Variants in MED13L observed in about 807,000 individuals in gnomAD.
The protein encoded by MED13L is mediator of RNA polymerase II transcription subunit 13-like.
Under a neutral mutation model 220.9 loss-of-function variants are expected in MED13L, and 7 were observed. The ratio of observed to expected loss-of-function variants is 0.03; its 90% CI spans 0.02 to 0.06. The LOEUF is 0.06. MED13L is among the 10% of genes least tolerant of loss of function. The probability of loss-of-function intolerance (pLI) is 1.00; values close to 1 mark genes in which losing one functional copy is unlikely to be tolerated. For missense variants in MED13L, 1,965 were observed against 2,760.5 expected, an observed-to-expected ratio of 0.71 and a Z score of 6.46; for synonymous variants, 1,011 against 1,015.2, an observed-to-expected ratio of 1.00 and a Z score of 0.08.
intron 2 of MED13L, among the ~76,000 whole-genome samples, chr12:116,127,067 T>TG (rs893014922): frequency 5.3e-5 from 8 of 152,374 alleles, no homozygotes; most frequent in Admixed American, 3.9e-4. Flanking sequence ...GTTTGTCAAC[T>TG]GGTGCTTGAG....
At chr12:115,966,705 C>T (rs1876189545) in intron 28 of MED13L, among the ~76,000 whole-genome samples, 1 of 152,194 alleles carries the variant, frequency 6.6e-6, no homozygotes, top group South Asian at 2.1e-4. Flanking sequence ...GCAAGATCTG[C>T]TCACAGAGAA....
intron 2 of MED13L, among the ~76,000 whole-genome samples, chr12:116,225,037 T>C (rs962297596): frequency 1.3e-5 from 2 of 152,154 alleles, no homozygotes; most frequent in Non-Finnish European, 2.9e-5. Flanking sequence ...TTTTAAAGCA[T>C]CCTCTCGTAC....
intron 2 of MED13L, among the ~76,000 whole-genome samples, chr12:116,180,888 T>C (rs1381373786): frequency 6.6e-6 from 1 of 152,030 alleles, no homozygotes; most frequent in East Asian, 1.9e-4. Flanking sequence ...TTATATGTGA[T>C]AGAAATTTCT....
intron 10 of MED13L, 144 bp from the exon 11 acceptor site, chr12:116,007,780 A>G: frequency 2.8e-6 from 2 of 708,862 alleles, no homozygotes; most frequent in Non-Finnish European, 2.3e-6. Flanking sequence ...AATAAAAATT[A>G]GCATACTTTG....
chr12:115,986,608 A>G, intron 18 of MED13L, 119 bp from the exon 19 acceptor site: 1 of 937,172 alleles, frequency 1.1e-6, no homozygotes. Flanking sequence ...CCATGTTCAC[A>G]AGACATTCTT....
intron 16 of MED13L, among the ~76,000 whole-genome samples, chr12:115,993,484 T>C (rs916118578): frequency 1.3e-5 from 2 of 151,670 alleles, no homozygotes; most frequent in African/African-American, 4.8e-5. Context: ...ACTACCAGCC[T>C]AAAAGTCCAA....
At chr12:116,239,677 A>G (rs985458247) in intron 1 of MED13L, among the ~76,000 whole-genome samples, 1 of 152,194 alleles carries the variant, frequency 6.6e-6, no homozygotes, top group African/African-American at 2.4e-5. Context: ...TATTTCCTTT[A>G]AAGAGATTGC....
chr12:116,271,275 T>A (rs982821465), intron 1 of MED13L, among the ~76,000 whole-genome samples: 1 of 151,878 alleles, frequency 6.6e-6, no homozygotes, highest in Admixed American at 6.6e-5. Flanking sequence ...CTACCTCACT[T>A]TGAAATACAT....
At chr12:116,012,744 A>T in intron 9 of MED13L, 53 bp downstream of exon 9, 3 of 1,268,114 alleles carry the variant, frequency 2.4e-6, no homozygotes, top group Non-Finnish European at 3.5e-6. Context: ...AGATGAATCA[A>T]CAAGATGCGC....
intron 2 of MED13L, among the ~76,000 whole-genome samples, chr12:116,128,566 T>C (rs144432859): frequency 9.9e-4 from 151 of 152,326 alleles, no homozygotes; most frequent in African/African-American, 3.5e-3. Flanking sequence ...CTTTAACTTA[T>C]AAAACTTCTA....
chr12:116,069,240 C>T (rs920037018), intron 4 of MED13L, among the ~76,000 whole-genome samples: 1 of 152,172 alleles, frequency 6.6e-6, no homozygotes, highest in Non-Finnish European at 1.5e-5. Context: ...AAGAACAATT[C>T]TAACTTTTGT....
intron 14 of MED13L, among the ~76,000 whole-genome samples, chr12:116,000,995 TA>T (rs757648036): frequency 2.0e-5 from 3 of 152,230 alleles, no homozygotes; most frequent in South Asian, 2.1e-4. Flanking sequence ...TACATTTTTA[TA>T]AAAAAAGTGA....
intron 4 of MED13L, among the ~76,000 whole-genome samples, chr12:116,066,138 C>T (rs187537835): frequency 5.3e-5 from 8 of 152,318 alleles, no homozygotes; most frequent in South Asian, 2.1e-4. Flanking sequence ...CGTGTGCACA[C>T]ACAGAGTTCC....
intron 2 of MED13L, among the ~76,000 whole-genome samples, chr12:116,169,539 A>C (rs1879526505): frequency 6.6e-6 from 1 of 152,230 alleles, no homozygotes; most frequent in African/African-American, 2.4e-5. Flanking sequence ...TCAATATATA[A>C]CAATACGTTG....
intron 2 of MED13L, among the ~76,000 whole-genome samples, chr12:116,169,594 G>A (rs2138176515): frequency 6.6e-6 from 1 of 152,330 alleles, no homozygotes; most frequent in African/African-American, 2.4e-5. Context: ...ACATAAGTAT[G>A]TAGTTGGAGA....
At chr12:116,132,360 C>T (rs1029631966) in intron 2 of MED13L, among the ~76,000 whole-genome samples, 5 of 151,348 alleles carry the variant, frequency 3.3e-5, no homozygotes, top group African/African-American at 4.9e-5. Flanking sequence ...GGACCTGCCA[C>T]ATGTACTCAA....
At chr12:116,152,973 G>A (rs1046456062) in intron 2 of MED13L, among the ~76,000 whole-genome samples, 3 of 152,110 alleles carry the variant, frequency 2.0e-5, no homozygotes, top group Middle Eastern at 3.4e-3. Context: ...CCGAGTCTGT[G>A]AGATCTGGAG....
intron 3 of MED13L, among the ~76,000 whole-genome samples, chr12:116,100,076 T>C (rs1019120819): frequency 6.6e-6 from 1 of 152,210 alleles, no homozygotes; most frequent in African/African-American, 2.4e-5. Flanking sequence ...GTGTTTTTAC[T>C]CAGTTTTTTA....
intron 1 of MED13L, among the ~76,000 whole-genome samples, chr12:116,258,777 GAAAAAAAA>G (rs558738933): frequency 3.6e-5 from 2 of 56,118 alleles, no homozygotes; most frequent in African/African-American, 6.1e-5. Flanking sequence ...CTCCATCTCA[GAAAAAAAA>G]AAAAAAAAAA....
Sources: allele counts gnomAD v4.1 joint callset (sites outside exome capture counted in the v4.1 genomes callset), GRCh38; gene constraint gnomAD v4.1.1; transcripts MANE v1.5; gene names NCBI Gene and HGNC (gene_info 2026-07-23, HGNC 2026-07-21).